PTPRN2: variants seen among roughly 807,000 people sequenced by gnomAD.
PTPRN2 encodes protein tyrosine phosphatase receptor type N2, also known as receptor-type tyrosine-protein phosphatase N2.
PTPRN2 carries 74 observed loss-of-function variants against 118.8 expected under a neutral mutation model. The ratio of observed to expected loss-of-function variants is 0.62; its 90% CI spans 0.52 to 0.76. The LOEUF (loss-of-function observed/expected upper bound fraction) is 0.76. Ranked by LOEUF, PTPRN2 falls within the 30% of genes least tolerant of loss-of-function variation. The probability of loss-of-function intolerance (pLI) is 0.00; values close to 1 mark genes in which losing one functional copy is unlikely to be tolerated. For synonymous variants in PTPRN2, 641 were observed against 608.0 expected, an observed-to-expected ratio of 1.05 and a Z score of -0.80; for missense variants, 1,481 against 1,394.4, an observed-to-expected ratio of 1.06 and a Z score of -0.99.
At chr7:157,605,799 G>A (rs1035823069) in intron 15 of PTPRN2, among the ~76,000 whole-genome samples, 3 of 152,224 alleles carry the variant, frequency 2.0e-5, no homozygotes, top group African/African-American at 7.2e-5. Flanking sequence ...GCCTCAGAGG[G>A]GAGGAAGTAC....
At chr7:158,441,534 AATAGTGATGGTGATGGCAGTGATAGTG>A (rs1563297976) in intron 2 of PTPRN2, among the ~76,000 whole-genome samples, 5 of 60,306 alleles carry the variant, frequency 8.3e-5, no homozygotes, top group African/African-American at 1.6e-4. Flanking sequence ...TGGTGATGGT[AATAGTGATGGTGATGGCAGTGATAGTG>A]ATAGTGATGG....
At chr7:157,882,220 TACACCACCCCAAAATGACTGTTGGAGAA>T (rs1796173466) in intron 12 of PTPRN2, among the ~76,000 whole-genome samples, 2 of 132,266 alleles carry the variant, frequency 1.5e-5, no homozygotes, top group South Asian at 2.4e-4. Context: ...AGAGACCAGA[TACACCACCCCAAAATGACTGTTGGAGAA>T]CAGAACACGC....
chr7:157,981,973 G>A (rs1466330296), intron 11 of PTPRN2, among the ~76,000 whole-genome samples: 1 of 151,694 alleles, frequency 6.6e-6, no homozygotes, highest in African/African-American at 2.4e-5. Flanking sequence ...GCAGAGTGCA[G>A]GGTACCGCCC....
At chr7:158,534,547 C>T (rs10232620) in intron 1 of PTPRN2, among the ~76,000 whole-genome samples, 69,220 of 151,866 alleles carry the variant, frequency 0.46, 16,179 homozygotes, top group South Asian at 0.67. Context: ...GTCTGAACTG[C>T]GACTCTGCCC....
At chr7:158,032,983 G>T (rs1807798670) in intron 11 of PTPRN2, among the ~76,000 whole-genome samples, 1 of 143,458 alleles carries the variant, frequency 7.0e-6, no homozygotes, top group Admixed American at 7.0e-5. Flanking sequence ...CTTCAGATGT[G>T]CTTACCCAGT....
chr7:157,813,176 C>T lies in PTPRN2; in HGVS notation c.1788+85497G>A, dbSNP rs559961148. 6.6e-5 allele frequency among the ~76,000 whole-genome samples: 10 copies of T among 152,286 alleles called. No homozygotes were observed. The highest frequency in any genetic ancestry group is 3.9e-4 in the Admixed American group (6 of 15,298). On this transcript the variant is annotated intron_variant, in intron 12 of 22. Transcript: ENST00000389418. The surrounding 1 kb of genome is among the most constrained non-coding windows in gnomAD (Gnocchi z 4.7). The stretch of plus-strand genomic sequence containing the variant: ...GGCCCACAGACAAGCATCTCCAGAG[C>T]GCGTGGGACCGTAGAGAAGGCAGTG...
At chr7:158,322,001 C>T (rs1021071829) in intron 2 of PTPRN2, among the ~76,000 whole-genome samples, 4 of 152,222 alleles carry the variant, frequency 2.6e-5, no homozygotes, top group Non-Finnish European at 4.4e-5. Context: ...TCCTCGATGA[C>T]GGCTTCGTGC....
intron 6 of PTPRN2, among the ~76,000 whole-genome samples, chr7:158,149,590 G>C (rs193144820): frequency 2.6e-4 from 39 of 152,098 alleles, no homozygotes; most frequent in African/African-American, 9.2e-4. Flanking sequence ...ATCACCTGAG[G>C]TCAGGAGTTC....
intron 2 of PTPRN2, among the ~76,000 whole-genome samples, chr7:158,431,519 C>A (rs367898687): frequency 1.5e-5 from 2 of 134,170 alleles, no homozygotes; most frequent in African/African-American, 5.8e-5. Flanking sequence ...AGACACACAG[C>A]AGGCACACTG....
At chr7:158,171,040 CAT>C (rs1289217721) in intron 5 of PTPRN2, among the ~76,000 whole-genome samples, 7 of 137,912 alleles carry the variant, frequency 5.1e-5, no homozygotes, top group South Asian at 2.2e-4. Flanking sequence ...TATATATACA[CAT>C]ACATATATAT....
At chr7:158,160,159 A>C (rs1822230554) in intron 6 of PTPRN2, among the ~76,000 whole-genome samples, 1 of 152,178 alleles carries the variant, frequency 6.6e-6, no homozygotes, top group Admixed American at 6.5e-5. Context: ...ACTTCGTTTT[A>C]AGTGTCAACT....
chr7:157,744,461 CTGCTCTGGGAAGAATA>C (rs1563062492), intron 12 of PTPRN2, among the ~76,000 whole-genome samples: 1 of 152,186 alleles, frequency 6.6e-6, no homozygotes, highest in African/African-American at 2.4e-5. Context: ...ACGATGGAAT[CTGCTCTGGGAAGAATA>C]AATGGCTCTG....
At position 158,381,449 on chromosome 7, in the gene PTPRN2, G is replaced by T. The variant is rs547868802; in HGVS notation, c.164-64517C>A. On this transcript the variant is annotated intron_variant, in intron 2 of 22. Coordinates refer to ENST00000389418, the MANE Select transcript of PTPRN2 (RefSeq NM_002847.5). ...ACATAACAAGAGTCACTTTTGCTCT[G>T]GTTCCCAACAAGTTCCTCATTTCCA... Among the ~76,000 whole-genome samples, 8 of 152,260 alleles carry T rather than the reference G, an allele frequency of 5.3e-5. No individual in the cohort carries two copies. In the South Asian group the frequency reaches 1.7e-3, roughly 32 times the overall value.
intron 11 of PTPRN2, among the ~76,000 whole-genome samples, chr7:158,070,267 AGGT>A (rs1811100465): frequency 7.0e-6 from 1 of 143,588 alleles, no homozygotes; most frequent in African/African-American, 3.0e-5. Flanking sequence ...ATGGTGATGG[AGGT>A]GCTCATGGTG....
intron 11 of PTPRN2, among the ~76,000 whole-genome samples, chr7:157,905,120 G>A (rs774141907): frequency 2.0e-4 from 30 of 152,176 alleles, no homozygotes; most frequent in Admixed American, 1.1e-3. Context: ...GTCCTCTCGC[G>A]GGACTTTTGC....
At chr7:157,717,750 G>C (rs539687296) in intron 12 of PTPRN2, among the ~76,000 whole-genome samples, 1 of 152,242 alleles carries the variant, frequency 6.6e-6, no homozygotes, top group African/African-American at 2.4e-5. Context: ...GGCACATCCC[G>C]ACCTGCGGGC....
At chr7:158,553,107 G>A (rs926213941) in intron 1 of PTPRN2, among the ~76,000 whole-genome samples, 1 of 151,420 alleles carries the variant, frequency 6.6e-6, no homozygotes, top group Non-Finnish European at 1.5e-5. Context: ...ATGCTTGGGA[G>A]TCTACACCAC....
chr7:158,119,344 A>T (rs1195063944), intron 9 of PTPRN2, among the ~76,000 whole-genome samples: 1 of 152,110 alleles, frequency 6.6e-6, no homozygotes, highest in African/African-American at 2.4e-5. Context: ...ACCTATCAGG[A>T]TGGCCACTGT....
Position 157,769,146 on chromosome 7 carries a change from C to T in PTPRN2, c.1789-86209G>A, listed in dbSNP as rs143017818. ...GACAACGCCTCCACCGCGGCCAGCC[C>T]AGTGTCCACCGAGGGCAGCGGTTGA... On this transcript the variant is annotated intron_variant, in intron 12 of 22. Coordinates refer to ENST00000389418, the MANE Select transcript of PTPRN2 (RefSeq NM_002847.5). Among the ~76,000 whole-genome samples the T allele has an allele frequency of 1.8e-3, 267 of 152,318 alleles. 1 individual carries two copies. The highest frequency in any genetic ancestry group is 6.0e-3 in the African/African-American group (250 of 41,578).
Sources: gnomAD v4.1 joint callset for allele counts (sites outside exome capture counted in the v4.1 genomes callset) on GRCh38, gnomAD v4.1.1 for gene constraint, Gnocchi (gnomAD v3.1) non-coding constraint, MANE v1.5 for transcripts, NCBI Gene and HGNC (gene_info 2026-07-23, HGNC 2026-07-21) for gene names.